PTPRD: variants seen among roughly 807,000 people sequenced by gnomAD.
PTPRD encodes protein tyrosine phosphatase receptor type D, also known as receptor-type tyrosine-protein phosphatase delta.
PTPRD carries 34 observed loss-of-function variants against 214.5 expected under a neutral mutation model. The ratio of observed to expected loss-of-function variants is 0.16; its 90% CI spans 0.12 to 0.21. PTPRD has a LOEUF of 0.21. Among genes scored for constraint, PTPRD ranks in the 10% least tolerant of loss-of-function variants. The pLI, the probability that PTPRD is intolerant of heterozygous loss-of-function variation, is 1.00. For synonymous variants in PTPRD, 1,128 were observed against 845.7 expected (o/e 1.33, Z -5.79); for missense variants, 2,545 against 2,398.7 (o/e 1.06, Z -1.27).
intron 14 of PTPRD, among the ~76,000 whole-genome samples, chr9:8,557,425 T>C (rs1165633485): frequency 7.7e-6 from 1 of 130,108 alleles, no homozygotes; most frequent in African/African-American, 4.0e-5. Context: ...TTATTTTTCA[T>C]TTGTAAATAC....
At chr9:9,812,858 C>G (rs1768866) in intron 5 of PTPRD, among the ~76,000 whole-genome samples, 70,443 of 151,482 alleles carry the variant, frequency 0.47, 19,803 homozygotes, top group African/African-American at 0.8. Flanking sequence ...GCAGAATATT[C>G]TCCAGGGTAT....
chr9:8,447,745 T>C (rs1242024746), intron 34 of PTPRD, among the ~76,000 whole-genome samples: 1 of 152,154 alleles, frequency 6.6e-6, no homozygotes, highest in African/African-American at 2.4e-5. Flanking sequence ...GCCTTTCTGC[T>C]CAACCTTATA....
chr9:8,578,251 T>G (rs976668250), intron 14 of PTPRD, among the ~76,000 whole-genome samples: 3 of 152,118 alleles, frequency 2.0e-5, no homozygotes, highest in South Asian at 4.2e-4. Context: ...GTTATTTTCA[T>G]GTTAGACAAT....
At chr9:9,646,177 G>C (rs535161129) in intron 7 of PTPRD, among the ~76,000 whole-genome samples, 1 of 152,204 alleles carries the variant, frequency 6.6e-6, no homozygotes, top group East Asian at 1.9e-4. Context: ...TGTTTTTTGA[G>C]GGTCTGTTGG....
rs2154320652 is a variant in PTPRD at position 8,633,402 on chromosome 9, A to T, written c.267T>A (p.Thr89=). The change falls in exon 14 of 46, where the codon ACT becomes ACA. Residue 89 remains threonine, a synonymous_variant. Coordinates refer to ENST00000381196, the MANE Select transcript of PTPRD (RefSeq NM_002839.4). ...ATTCATAAATGGCCTCATCCCTCGG[A>T]GTCCGTAAGGGTTGTATTCTGAGAA... is the stretch of plus-strand genomic sequence containing the variant. ...GSVLRIQPLR[T]PRDEAIYECV... is the part of the protein sequence containing the mutation. 1 of 1,612,896 alleles carries T rather than the reference A, an allele frequency of 6.2e-7. No individual in the cohort carries two copies.
At chr9:9,226,841 A>G (rs1337101179) in intron 9 of PTPRD, among the ~76,000 whole-genome samples, 2 of 152,110 alleles carry the variant, frequency 1.3e-5, no homozygotes, top group Non-Finnish European at 2.9e-5. Flanking sequence ...TGAGTGAATT[A>G]AAGACATATT....
chr9:8,363,441 A>C (rs914208242), intron 39 of PTPRD, among the ~76,000 whole-genome samples: 3 of 152,182 alleles, frequency 2.0e-5, no homozygotes, highest in African/African-American at 4.8e-5. Context: ...TTCAAGAGGA[A>C]AAAGCAAATC....
intron 5 of PTPRD, among the ~76,000 whole-genome samples, chr9:9,774,472 C>T (rs187695494): frequency 7.1e-4 from 108 of 152,266 alleles, no homozygotes; most frequent in Non-Finnish European, 1.5e-3. Context: ...ATTTATTAAC[C>T]TATGTTCTTT....
chr9:9,301,380 C>T (rs1955226349), intron 9 of PTPRD, among the ~76,000 whole-genome samples: 1 of 151,808 alleles, frequency 6.6e-6, no homozygotes, highest in African/African-American at 2.4e-5. Flanking sequence ...AGTGAGACAA[C>T]ATACCAGCAG....
At chr9:9,663,001 T>C (rs1328394809) in intron 7 of PTPRD, among the ~76,000 whole-genome samples, 1 of 151,640 alleles carries the variant, frequency 6.6e-6, no homozygotes, top group Non-Finnish European at 1.5e-5. Context: ...TTTATTTAAA[T>C]AATATTTTGA....
chr9:9,752,329 T>A (rs996097549), intron 6 of PTPRD, among the ~76,000 whole-genome samples: 5 of 152,066 alleles, frequency 3.3e-5, no homozygotes, highest in African/African-American at 9.7e-5. Context: ...TTAGCAGGCT[T>A]AAATGGTATC....
chr9:10,121,528 A>G (rs2098775362), intron 3 of PTPRD, among the ~76,000 whole-genome samples: 1 of 152,212 alleles, frequency 6.6e-6, no homozygotes, highest in African/African-American at 2.4e-5. Context: ...CAAAAAAGAA[A>G]GATACATAAG....
chr9:9,430,914 A>T (rs2082835816), intron 8 of PTPRD, among the ~76,000 whole-genome samples: 1 of 152,248 alleles, frequency 6.6e-6, no homozygotes, highest in Non-Finnish European at 1.5e-5. Context: ...AAGATGGATT[A>T]AAGACTTAAA....
intron 2 of PTPRD, among the ~76,000 whole-genome samples, chr9:10,489,820 T>G (rs1387298199): frequency 6.6e-6 from 1 of 152,078 alleles, no homozygotes; most frequent in Non-Finnish European, 1.5e-5. Flanking sequence ...TGGTGTGCTT[T>G]CCTCTCCCCA....
chr9:9,326,507 G>A (rs1256276991), intron 9 of PTPRD, among the ~76,000 whole-genome samples: 26 of 152,022 alleles, frequency 1.7e-4, no homozygotes, highest in Admixed American at 1.7e-3. Context: ...AAGCTAGTAA[G>A]TGAGGGGTAA....
rs116785277 is a variant in PTPRD, at chr9:9,104,118, T to C, written c.-143+79186A>G. ...TAGCCTGGCTTGGCAAATTTTTCTG[T>C]ATAGGACTAAATAGTAGATACTTTA... On this transcript the variant is annotated intron_variant, in intron 10 of 45. Coordinates refer to ENST00000381196, the MANE Select transcript of PTPRD (RefSeq NM_002839.4). Among the ~76,000 whole-genome samples the C allele has an allele frequency of 3.9e-3, 592 of 152,304 alleles. 3 individuals carry two copies. The highest frequency in any genetic ancestry group is 0.013 in the African/African-American group (560 of 41,568).
chr9:9,806,689 C>A (rs2099075258), intron 5 of PTPRD, among the ~76,000 whole-genome samples: 1 of 152,172 alleles, frequency 6.6e-6, no homozygotes, highest in South Asian at 2.1e-4. Flanking sequence ...ACTAAGCCTG[C>A]TCAGGCGGTC....
rs149355474 is a variant in PTPRD, at chr9:8,774,230, A to G, written c.-103-40284T>C. On this transcript the variant is annotated intron_variant, in intron 11 of 45. Coordinates refer to ENST00000381196, the MANE Select transcript of PTPRD (RefSeq NM_002839.4). ...CTTGCATTTTCAACCAATATGCTCAATTTGGTTTCCTTCAACGTCCGGATA... is the reference window on the plus strand; with the variant it reads ...CTTGCATTTTCAACCAATATGCTCAGTTTGGTTTCCTTCAACGTCCGGATA... 2.1e-4 allele frequency among the ~76,000 whole-genome samples: 31 copies of G among 144,442 alleles called. No individual in the cohort carries two copies. The East Asian group carries it at 5.6e-3, about 26-fold the overall frequency. The allele number at this position is 144,442 out of a possible 152,430, so 94.8% of individuals were successfully genotyped here.
intron 9 of PTPRD, among the ~76,000 whole-genome samples, chr9:9,235,340 G>C (rs547012833): frequency 1.2e-3 from 186 of 152,278 alleles, no homozygotes; most frequent in African/African-American, 3.9e-3. Flanking sequence ...TGGGGACACA[G>C]CTACACCATA....
Sources: gnomAD v4.1 joint callset for allele counts (sites outside exome capture counted in the v4.1 genomes callset) on GRCh38, gnomAD v4.1.1 for gene constraint, MANE v1.5 for transcripts, NCBI Gene and HGNC (gene_info 2026-07-23, HGNC 2026-07-21) for gene names.